The following PTK7 variants were observed in gnomAD, a reference collection of about 807,000 sequenced individuals.
PTK7 encodes protein tyrosine kinase 7 (inactive).
Under a neutral mutation model 116.6 loss-of-function variants are expected in PTK7, and 39 were observed. That is an observed-to-expected ratio of 0.33 (90% CI 0.26 to 0.44). PTK7 has a LOEUF of 0.44. PTK7 is among the 20% of genes least tolerant of loss of function. The pLI, the probability that PTK7 is intolerant of heterozygous loss-of-function variation, is 1.00. For missense variants in PTK7, 1,169 were observed against 1,425.6 expected, an observed-to-expected ratio of 0.82 and a Z score of 2.90; for synonymous variants, 546 against 563.6, an observed-to-expected ratio of 0.97 and a Z score of 0.44.
At chr6:43,152,513 TGA>T (rs1188426670) in intron 17 of PTK7, among the ~76,000 whole-genome samples, 7 of 152,126 alleles carry the variant, frequency 4.6e-5, no homozygotes, top group Non-Finnish European at 8.8e-5. Context: ...GGCGACAGAG[TGA>T]GACTCCGTCT....
chr6:43,111,034 A>T (rs1422261034), intron 1 of PTK7, among the ~76,000 whole-genome samples: 1 of 152,174 alleles, frequency 6.6e-6, no homozygotes, highest in Non-Finnish European at 1.5e-5. Flanking sequence ...TACCAAGATG[A>T]CTGGGTCCAT....
At chr6:43,149,703 GAA>G (rs1429133547) in intron 17 of PTK7, among the ~76,000 whole-genome samples, 5 of 152,172 alleles carry the variant, frequency 3.3e-5, no homozygotes, top group Admixed American at 1.3e-4. Flanking sequence ...CAACAAAAAA[GAA>G]ATGCATTTTA....
chr6:43,127,049 T>C (rs1317490949), intron 1 of PTK7, among the ~76,000 whole-genome samples: 1 of 152,198 alleles, frequency 6.6e-6, no homozygotes, highest in Non-Finnish European at 1.5e-5. Context: ...GTCTTGACAC[T>C]GACTTTATGA....
At chr6:43,103,189 A>G (rs1767678383) in intron 1 of PTK7, among the ~76,000 whole-genome samples, 1 of 152,266 alleles carries the variant, frequency 6.6e-6, no homozygotes, top group South Asian at 2.1e-4. Context: ...ATGCTCAGGC[A>G]TAAACCATTA....
At chr6:43,144,861 A>G (rs1770635720) in intron 15 of PTK7, 2 of 428,112 alleles carry the variant, frequency 4.7e-6, no homozygotes, top group Non-Finnish European at 8.1e-6. Flanking sequence ...CTTTAAAAAA[A>G]AAAACTAAGT....
At chr6:43,101,514 T>C (rs2150390800) in intron 1 of PTK7, among the ~76,000 whole-genome samples, 1 of 149,618 alleles carries the variant, frequency 6.7e-6, no homozygotes, top group East Asian at 2.0e-4. Context: ...ATTGCGCCAC[T>C]GCACTCCAGC....
chr6:43,122,609 T>C (rs948133917), intron 1 of PTK7, among the ~76,000 whole-genome samples: 19 of 147,644 alleles, frequency 1.3e-4, no homozygotes, highest in African/African-American at 4.7e-4. Context: ...ACTGAATCTT[T>C]TTTTTTTTTT....
At chr6:43,135,700 G>GA (rs2150439266) in intron 7 of PTK7, among the ~76,000 whole-genome samples, 1 of 152,348 alleles carries the variant, frequency 6.6e-6, no homozygotes, top group South Asian at 2.1e-4. Context: ...GAAGTTGCCT[G>GA]AGAGGTGGAA....
intron 1 of PTK7, among the ~76,000 whole-genome samples, chr6:43,086,323 T>C (rs1166893424): frequency 1.3e-5 from 2 of 152,096 alleles, no homozygotes; most frequent in Non-Finnish European, 2.9e-5. Context: ...TGAGATTCTG[T>C]GTGGCCAAGG....
At chr6:43,105,110 CT>C (rs768467544) in intron 1 of PTK7, among the ~76,000 whole-genome samples, 352 of 140,558 alleles carry the variant, frequency 2.5e-3, no homozygotes, top group Middle Eastern at 7.5e-3. Flanking sequence ...CAAGCCCAGC[CT>C]TTTTTTTTTT....
intron 13 of PTK7, chr6:43,142,624 A>G (rs1770490398): frequency 2.4e-6 from 1 of 425,448 alleles, no homozygotes; most frequent in African/African-American, 2.0e-5. Context: ...CCAGGTCAGA[A>G]TGCAGTAGGA....
chr6:43,142,109 C>T lies in PTK7; in HGVS notation c.1919+28C>T, dbSNP rs757937709. 5.6e-6 allele frequency: 9 copies of T among 1,611,690 alleles called. 1 individual carries two copies. The Admixed American group carries it at 8.3e-5, about 15-fold the overall frequency. ...AGGGCCACCTCTCTCCCACACCCGT[C>T]CCTCCTCTCCTGCAGCCCCCCTCCC... On this transcript the variant is annotated intron_variant, in intron 12 of 19. Coordinates refer to ENST00000230419, the MANE Select transcript of PTK7 (RefSeq NM_002821.5).
At chr6:43,128,344 G>A (rs1582152039) in intron 1 of PTK7, among the ~76,000 whole-genome samples, 1 of 152,244 alleles carries the variant, frequency 6.6e-6, no homozygotes, top group South Asian at 2.1e-4. Flanking sequence ...TTCTTCCTTC[G>A]TGCTCAAGTC....
intron 1 of PTK7, among the ~76,000 whole-genome samples, chr6:43,115,042 C>CAAA (rs5875827): frequency 1.8e-4 from 26 of 143,332 alleles, no homozygotes; most frequent in African/African-American, 2.6e-4. Flanking sequence ...GACTTTGTCT[C>CAAA]AAAAAAAAAA....
intron 1 of PTK7, among the ~76,000 whole-genome samples, chr6:43,118,830 G>A (rs905001060): frequency 6.8e-6 from 1 of 148,142 alleles, no homozygotes; most frequent in African/African-American, 2.5e-5. Context: ...CTGCAGTGAC[G>A]TGATCTTGGC....
chr6:43,127,270 G>A (rs909374505), intron 1 of PTK7, among the ~76,000 whole-genome samples: 3 of 152,192 alleles, frequency 2.0e-5, no homozygotes, highest in South Asian at 2.1e-4. Flanking sequence ...TTCCGGGGGC[G>A]GGGGGATCAG....
intron 17 of PTK7, among the ~76,000 whole-genome samples, chr6:43,157,347 TATATATATA>T (rs1487910454): frequency 1.6e-3 from 23 of 14,532 alleles, no homozygotes; most frequent in East Asian, 5.1e-3. Context: ...TATATATATA[TATATATATA>T]TATATATATT....
At chr6:43,112,198 G>A (rs1454598330) in intron 1 of PTK7, among the ~76,000 whole-genome samples, 1 of 152,086 alleles carries the variant, frequency 6.6e-6, no homozygotes, top group Non-Finnish European at 1.5e-5. Flanking sequence ...TTTCATCCTT[G>A]TAGAGGCTCT....
chr6:43,150,626 GAATC>G (rs1771004690), intron 17 of PTK7, among the ~76,000 whole-genome samples: 1 of 152,010 alleles, frequency 6.6e-6, no homozygotes, highest in South Asian at 2.1e-4. Context: ...CGCTTACAGA[GAATC>G]AAGCAAGGTT....
Sources: allele counts gnomAD v4.1 joint callset (sites outside exome capture counted in the v4.1 genomes callset), GRCh38; gene constraint gnomAD v4.1.1; transcripts MANE v1.5; gene names NCBI Gene and HGNC (gene_info 2026-07-23, HGNC 2026-07-21).